The following MTMR6 variants were observed in gnomAD, a reference collection of about 807,000 sequenced individuals.
MTMR6 encodes the protein phosphatidylinositol-3,5-bisphosphate 3-phosphatase MTMR6.
A neutral mutation model predicts 80.1 loss-of-function variants in MTMR6; 47 were observed. The ratio of observed to expected loss-of-function variants is 0.59; its 90% CI spans 0.46 to 0.75. MTMR6 has a LOEUF of 0.75. Ranked by LOEUF, MTMR6 falls within the 30% of genes least tolerant of loss-of-function variation. The probability of loss-of-function intolerance (pLI) is 0.00; values close to 1 mark genes in which losing one functional copy is unlikely to be tolerated. For synonymous variants in MTMR6, 254 were observed against 253.0 expected (o/e 1.00, Z -0.04); for missense variants, 629 against 730.9 (o/e 0.86, Z 1.61).
In MTMR6 at chr13:25,253,835, G is replaced by T. The variant is rs758861198; in HGVS notation, c.1275C>A (p.Ile425=). The change falls in exon 11 of 14, where the codon ATC becomes ATA. Residue 425 remains isoleucine (I), a synonymous_variant. Coordinates refer to ENST00000381801, the MANE Select transcript of MTMR6 (RefSeq NM_004685.5). Reference sequence around the variant, plus strand: ...ACTGGCATGAATGAATATGCTCATGGATCTGAAGAAGAAATGCTTCACTGA... The same window carrying T: ...ACTGGCATGAATGAATATGCTCATGTATCTGAAGAAGAAATGCTTCACTGA... ...FEFSEAFLLQ[I]HEHIHSCQFG... 6.2e-7 allele frequency: 1 copy of T among 1,614,058 alleles called. No individual in the cohort carries two copies. The highest frequency in any genetic ancestry group is 8.5e-7 in the Non-Finnish European group (1 of 1,180,000).
chr13:25,264,775 A>AAAAAAAAAAAAAAAAG lies in MTMR6; in HGVS notation c.591+1043_591+1044insCTTTTTTTTTTTTTTT, dbSNP rs1491106020. On this transcript the variant is annotated intron_variant, in intron 5 of 13. Transcript: ENST00000381801. Reference sequence around the variant, plus strand: ...TCTCAAAAAAAAAAAAAAAAAAAAAAGAAATTTCAGAACACTGGGGAAAAA... The same window carrying AAAAAAAAAAAAAAAAG: ...TCTCAAAAAAAAAAAAAAAAAAAAAAAAAAAAAAAAAAAAAGGAAATTTCAGAACACTGGGGAAAAA... Among the ~76,000 whole-genome samples the AAAAAAAAAAAAAAAAG allele has an allele frequency of 8.2e-5, 11 of 133,728 alleles. No homozygotes were observed. The East Asian group carries it at 2.1e-3, about 25-fold the overall frequency. The allele number at this position is 133,728 out of a possible 152,430, so 87.7% of individuals were successfully genotyped here.
intron 2 of MTMR6, among the ~76,000 whole-genome samples, chr13:25,270,721 A>G (rs1019895461): frequency 3.9e-5 from 6 of 152,308 alleles, no homozygotes; most frequent in Middle Eastern, 3.4e-3. Flanking sequence ...ATCTCAAGTG[A>G]GTTTCCTTAA....
chr13:25,270,679 C>T (rs17082075), intron 2 of MTMR6, among the ~76,000 whole-genome samples: 4,293 of 152,228 alleles, frequency 0.028, 143 homozygotes, highest in South Asian at 0.13. Flanking sequence ...GGATCCAGTG[C>T]CTCTAGGGAA....
In MTMR6 at chr13:25,247,845, C is replaced by T. The variant is rs1957011466; in HGVS notation, c.*1387G>A. The T allele has an allele frequency of 6.6e-6, 1 of 152,078 alleles. No individual in the cohort carries two copies. The highest frequency in any genetic ancestry group is 2.4e-5 in the African/African-American group (1 of 41,418). The allele number at this position is 152,078 out of a possible 1,614,324, so 9.4% of individuals were successfully genotyped here. On this transcript the variant is annotated 3_prime_UTR_variant, in exon 14 of 14. Coordinates refer to ENST00000381801, the MANE Select transcript of MTMR6 (RefSeq NM_004685.5). ...GTGTAACAGAAAGTAGCATGAGGAA[C>T]ACTATGCAAATTGCCTAATACTCGA... is the stretch of plus-strand genomic sequence containing the variant.
chr13:25,281,676 C>G (rs918204042), intron 1 of MTMR6, among the ~76,000 whole-genome samples: 34 of 152,246 alleles, frequency 2.2e-4, no homozygotes, highest in African/African-American at 7.9e-4. Context: ...TCTGGCTTGT[C>G]GCACTCCTTC....
chr13:25,281,896 G>C (rs1325372936), intron 1 of MTMR6, among the ~76,000 whole-genome samples: 1 of 152,158 alleles, frequency 6.6e-6, no homozygotes, highest in Non-Finnish European at 1.5e-5. Flanking sequence ...AGAGGGGAGA[G>C]AGTAACCTCA....
intron 1 of MTMR6, among the ~76,000 whole-genome samples, chr13:25,280,548 A>AC (rs1957821752): frequency 6.6e-6 from 1 of 152,208 alleles, no homozygotes; most frequent in South Asian, 2.1e-4. Context: ...ACTTCTAAAA[A>AC]CCAACTGCTT....
intron 1 of MTMR6, among the ~76,000 whole-genome samples, chr13:25,277,108 T>A (rs1957743478): frequency 6.6e-6 from 1 of 152,202 alleles, no homozygotes; most frequent in Non-Finnish European, 1.5e-5. Flanking sequence ...CTCTCACCCC[T>A]CACAAATACA....
intron 8 of MTMR6, 32 bp from the exon 9 acceptor site, chr13:25,257,353 A>T: frequency 6.2e-7 from 1 of 1,607,784 alleles, no homozygotes; most frequent in Non-Finnish European, 8.5e-7. Context: ...ATTCTAGCGT[A>T]CTTTAAGGTA....
At chr13:25,285,599 ATCTTGGCT>A (rs1328075722) in intron 1 of MTMR6, among the ~76,000 whole-genome samples, 1 of 151,076 alleles carries the variant, frequency 6.6e-6, no homozygotes, top group African/African-American at 2.4e-5. Context: ...CACTGGTGCC[ATCTTGGCT>A]CACTGCAATC....
chr13:25,282,659 G>A (rs1171148025), intron 1 of MTMR6, among the ~76,000 whole-genome samples: 1 of 148,074 alleles, frequency 6.8e-6, no homozygotes, highest in African/African-American at 2.5e-5. Flanking sequence ...CAGGCTGGAT[G>A]CCGTGGCACG....
chr13:25,266,418 A>G, intron 3 of MTMR6, 132 bp from the exon 4 acceptor site: 1 of 721,218 alleles, frequency 1.4e-6, no homozygotes, highest in Non-Finnish European at 2.2e-6. Context: ...ATACCTGAAT[A>G]CATTTGATGT....
At chr13:25,271,220 A>T (rs529466785) in intron 2 of MTMR6, among the ~76,000 whole-genome samples, 102 of 152,218 alleles carry the variant, frequency 6.7e-4, no homozygotes, top group African/African-American at 2.3e-3. Flanking sequence ...TCAAACAATC[A>T]GATGTTAGGG....
chr13:25,267,486 T>C (rs17082062), intron 3 of MTMR6, among the ~76,000 whole-genome samples: 10,456 of 152,232 alleles, frequency 0.069, 434 homozygotes, highest in Admixed American at 0.095. Flanking sequence ...AAAAATACAT[T>C]GTGCTACTTG....
At chr13:25,270,863 A>C (rs1010422737) in intron 2 of MTMR6, among the ~76,000 whole-genome samples, 2 of 152,202 alleles carry the variant, frequency 1.3e-5, no homozygotes, top group Non-Finnish European at 2.9e-5. Context: ...GAGCAACATC[A>C]ATCTCTGGAC....
At position 25,249,411 on chromosome 13, in the gene MTMR6, T is replaced by G; in HGVS notation, c.1687A>C (p.Asn563His). The G allele has an allele frequency of 2.5e-6, 4 of 1,614,116 alleles. No individual in the cohort carries two copies. Among genetic ancestry groups the G allele is most frequent in the Non-Finnish European group, 3.4e-6 (4 of 1,179,968 alleles). The change falls in exon 14 of 14, where the codon AAC becomes CAC. Residue 563 changes from asparagine (N) to histidine (H), a missense_variant. Coordinates refer to ENST00000381801, the MANE Select transcript of MTMR6 (RefSeq NM_004685.5). ...LLHSVHPESP[N>H]LKTSLCFKEQ... ...TTAAAACACAGGGAAGTTTTGAGGTTAGGTGATTCAGGATGAACTGAATGT... is the reference window on the plus strand; with the variant it reads ...TTAAAACACAGGGAAGTTTTGAGGTGAGGTGATTCAGGATGAACTGAATGT...
At chr13:25,262,952 C>A (rs1043081565) in intron 5 of MTMR6, among the ~76,000 whole-genome samples, 1 of 152,202 alleles carries the variant, frequency 6.6e-6, no homozygotes, top group Admixed American at 6.5e-5. Context: ...AGGCCATAAC[C>A]ATTTAACCTC....
Position 25,257,238 on chromosome 13 carries a change from A to G in MTMR6, c.1053T>C (p.Ser351=). The G allele has an allele frequency of 6.2e-7, 1 of 1,614,030 alleles. No homozygotes were observed. The highest frequency in any genetic ancestry group is 8.5e-7 in the Non-Finnish European group (1 of 1,179,910). ...DRTSQVCSLG[S]LLLDSYYRTI... ...TCCTGTAGTAGGAATCCAATAAAAG[A>G]GAACCCAGGGAACAAACCTGGGAAG... Residue 351 remains serine (S), a synonymous_variant, in exon 9 of 14, where the codon TCT becomes TCC. Transcript: ENST00000381801.
intron 1 of MTMR6, among the ~76,000 whole-genome samples, chr13:25,280,562 T>A (rs2137629331): frequency 6.6e-6 from 1 of 152,336 alleles, no homozygotes; most frequent in South Asian, 2.1e-4. Context: ...ACTGCTTCTT[T>A]ATATTTCCCC....
Sources: allele counts gnomAD v4.1 joint callset (sites outside exome capture counted in the v4.1 genomes callset), GRCh38; gene constraint gnomAD v4.1.1; transcripts MANE v1.5; gene names NCBI Gene and HGNC (gene_info 2026-07-23, HGNC 2026-07-21).